TMEM217B: variants seen among roughly 807,000 people sequenced by gnomAD.
The protein encoded by TMEM217B is transmembrane protein 217B, also known as putative transmembrane protein 217B.
the TMEM217B span, chr6:37,218,430 G>T: frequency 6.2e-7 from 1 of 1,600,514 alleles, no homozygotes; most frequent in East Asian, 2.2e-5. Context: ...ACCTACCTCT[G>T]CCTCTCAAAG....
chr6:37,252,651 T>A, the TMEM217B span, among the ~76,000 whole-genome samples: 6 of 124,372 alleles, frequency 4.8e-5, no homozygotes, highest in Non-Finnish European at 8.8e-5. Context: ...TTTTTTTTTT[T>A]TTTTTTTTGA....
chr6:37,234,583 A>C, the TMEM217B span, among the ~76,000 whole-genome samples: 9 of 151,980 alleles, frequency 5.9e-5, no homozygotes, highest in Non-Finnish European at 1.0e-4. Flanking sequence ...TAAGAAGTCC[A>C]CATCTGGCCA....
chr6:37,245,526 G>T, the TMEM217B span, among the ~76,000 whole-genome samples: 6 of 152,266 alleles, frequency 3.9e-5, no homozygotes, highest in Non-Finnish European at 8.8e-5. Flanking sequence ...TCACAGGAAG[G>T]TTGGGAAAAT....
the TMEM217B span, chr6:37,258,034 C>T: frequency 6.4e-7 from 1 of 1,571,978 alleles, no homozygotes; most frequent in Non-Finnish European, 8.7e-7. Flanking sequence ...ATCCTAATCC[C>T]TGAATCCCGC....
chr6:37,223,276 C>T, the TMEM217B span, among the ~76,000 whole-genome samples: 2 of 151,348 alleles, frequency 1.3e-5, no homozygotes, highest in East Asian at 3.9e-4. Flanking sequence ...TAACTGATTG[C>T]TAGAAGGATA....
chr6:37,256,342 C>T, the TMEM217B span, among the ~76,000 whole-genome samples: 1 of 152,192 alleles, frequency 6.6e-6, no homozygotes, highest in Admixed American at 6.5e-5. Context: ...GTCTGGCTGT[C>T]CAGAATAAAG....
At chr6:37,221,714 C>T in the TMEM217B span, among the ~76,000 whole-genome samples, 101 of 152,280 alleles carry the variant, frequency 6.6e-4, no homozygotes, top group Non-Finnish European at 1.3e-3. Context: ...CTGTGGCCAG[C>T]GGCACCTTTG....
At chr6:37,233,906 C>T in the TMEM217B span, among the ~76,000 whole-genome samples, 1 of 152,162 alleles carries the variant, frequency 6.6e-6, no homozygotes, top group Non-Finnish European at 1.5e-5. Context: ...AGTACCCATA[C>T]AGCCATTCTG....
At chr6:37,215,394 G>T in the TMEM217B span, 1 of 1,282,428 alleles carries the variant, frequency 7.8e-7, no homozygotes, top group Non-Finnish European at 1.0e-6. Flanking sequence ...AGCCAACATG[G>T]TGAAACCCCA....
At chr6:37,229,478 G>A in the TMEM217B span, among the ~76,000 whole-genome samples, 1 of 151,102 alleles carries the variant, frequency 6.6e-6, no homozygotes, top group African/African-American at 2.4e-5. Context: ...GAGTAGCTGG[G>A]ACTACAGGCG....
chr6:37,218,898 T>C, the TMEM217B span: 4 of 1,614,008 alleles, frequency 2.5e-6, no homozygotes, highest in Admixed American at 5.0e-5. Context: ...TTTGGTGTGA[T>C]CTCAGTGCAA....
At chr6:37,226,854 C>T in the TMEM217B span, among the ~76,000 whole-genome samples, 9 of 152,272 alleles carry the variant, frequency 5.9e-5, 1 homozygote, top group East Asian at 5.8e-4. Flanking sequence ...GTGTGAGCCA[C>T]GGCACCCAGC....
chr6:37,257,813 G>C, the TMEM217B span: 3 of 1,303,720 alleles, frequency 2.3e-6, no homozygotes, highest in East Asian at 2.6e-5. Context: ...GCGGGTGACC[G>C]GCGGCGGGGA....
At chr6:37,230,367 G>T in the TMEM217B span, among the ~76,000 whole-genome samples, 1 of 152,216 alleles carries the variant, frequency 6.6e-6, no homozygotes, top group Non-Finnish European at 1.5e-5. Flanking sequence ...CATAAGGGCT[G>T]TTATGGGCTG....
the TMEM217B span, chr6:37,218,798 A>C: frequency 6.2e-7 from 1 of 1,614,206 alleles, no homozygotes; most frequent in South Asian, 1.1e-5. Context: ...GAAGCAGCTG[A>C]TGAGGATGGT....
chr6:37,232,801 T>G, the TMEM217B span, among the ~76,000 whole-genome samples: 1 of 152,214 alleles, frequency 6.6e-6, no homozygotes, highest in Admixed American at 6.5e-5. Flanking sequence ...ACTCCTTATC[T>G]CTTCAAACAC....
the TMEM217B span, among the ~76,000 whole-genome samples, chr6:37,249,291 T>C: frequency 6.6e-6 from 1 of 152,066 alleles, no homozygotes; most frequent in South Asian, 2.1e-4. Context: ...AAGAAATGAA[T>C]ATTTCTTTTC....
chr6:37,220,811 A>C, the TMEM217B span, among the ~76,000 whole-genome samples: 1 of 152,190 alleles, frequency 6.6e-6, no homozygotes, highest in Non-Finnish European at 1.5e-5. Flanking sequence ...GAACAAGCTG[A>C]AACAACAGAT....
chr6:37,229,335 G>GTTTTTTTTTT, the TMEM217B span, among the ~76,000 whole-genome samples: 66 of 74,364 alleles, frequency 8.9e-4, 12 homozygotes, highest in East Asian at 1.8e-3. Flanking sequence ...GCAACTTTCA[G>GTTTTTTTTTT]TTTTTTTTTT....
Sources: gnomAD v4.1 joint callset for allele counts (sites outside exome capture counted in the v4.1 genomes callset) on GRCh38, gnomAD v4.1.1 for gene constraint, MANE v1.5 for transcripts, NCBI Gene and HGNC (gene_info 2026-07-23, HGNC 2026-07-21) for gene names.